ZFAT: variants seen among roughly 807,000 people sequenced by gnomAD.
ZFAT encodes the protein zinc finger protein ZFAT.
Under a neutral mutation model 117.7 loss-of-function variants are expected in ZFAT, and 64 were observed. That is an observed-to-expected ratio of 0.54 (90% CI 0.44 to 0.67). The LOEUF is 0.67. ZFAT is among the 30% of genes least tolerant of loss of function. The pLI is 0.00. For missense variants in ZFAT, 1,433 were observed against 1,584.5 expected, an observed-to-expected ratio of 0.90 and a Z score of 1.62; for synonymous variants, 679 against 615.0, an observed-to-expected ratio of 1.10 and a Z score of -1.54.
intron 2 of ZFAT, 39 bp downstream of exon 2, chr8:134,657,522 T>C (rs1410898221): frequency 6.5e-7 from 1 of 1,542,552 alleles, no homozygotes; most frequent in Non-Finnish European, 8.8e-7. Context: ...TCAACAGGTG[T>C]GTCAGAAGGT....
At chr8:134,730,313 A>C in the ZFAT span, among the ~76,000 whole-genome samples, 1 of 152,162 alleles carries the variant, frequency 6.6e-6, no homozygotes, top group Admixed American at 6.5e-5. Flanking sequence ...ATCTGCATCA[A>C]CCTCGACATC....
At chr8:134,794,444 A>C in the ZFAT span, 1 of 152,182 alleles carries the variant, frequency 6.6e-6, no homozygotes, top group African/African-American at 2.4e-5. Flanking sequence ...GCTCTATTCT[A>C]CCTATCTCGA....
At chr8:134,639,970 A>C (rs1167803638) in intron 2 of ZFAT, 1 of 353,756 alleles carries the variant, frequency 2.8e-6, no homozygotes, top group Non-Finnish European at 5.5e-6. Context: ...GCCCTTGGCT[A>C]CAGGGAGGTG....
chr8:134,645,131 G>A (rs565592992), intron 2 of ZFAT, among the ~76,000 whole-genome samples: 4 of 152,234 alleles, frequency 2.6e-5, no homozygotes, highest in Non-Finnish European at 4.4e-5. Flanking sequence ...TCCTACATGA[G>A]CAAAAAAGAT....
At chr8:134,611,621 G>A (rs1425401156) in intron 3 of ZFAT, among the ~76,000 whole-genome samples, 1 of 152,212 alleles carries the variant, frequency 6.6e-6, no homozygotes, top group Non-Finnish European at 1.5e-5. Context: ...TCCCACAGAG[G>A]ACCAGCCTGC....
chr8:134,668,875 T>G (rs1832400174), intron 1 of ZFAT, among the ~76,000 whole-genome samples: 2 of 152,306 alleles, frequency 1.3e-5, no homozygotes, highest in Middle Eastern at 6.8e-3. Context: ...GACGAATGCC[T>G]AACTAGAATA....
At chr8:134,483,064 T>C (rs551468684) in intron 15 of ZFAT, among the ~76,000 whole-genome samples, 1 of 152,376 alleles carries the variant, frequency 6.6e-6, no homozygotes, top group African/African-American at 2.4e-5. Flanking sequence ...TAGGGCTTTC[T>C]GCAGAGTGCA....
chr8:134,566,406 A>AAAAAAAAAAAAAAAAAT (rs1824470916), intron 10 of ZFAT, among the ~76,000 whole-genome samples: 1 of 151,748 alleles, frequency 6.6e-6, no homozygotes, highest in Non-Finnish European at 1.5e-5. Flanking sequence ...AAAAAAAAAA[A>AAAAAAAAAAAAAAAAAT]AAAAGATTAA....
chr8:134,750,560 T>A, the ZFAT span, among the ~76,000 whole-genome samples: 1 of 152,180 alleles, frequency 6.6e-6, no homozygotes, highest in South Asian at 2.1e-4. Context: ...ATGTTTTAAA[T>A]GGCAAATAAA....
At chr8:134,597,898 C>T (rs896245456) in intron 7 of ZFAT, 3 of 152,174 alleles carry the variant, frequency 2.0e-5, no homozygotes, top group African/African-American at 7.2e-5. Flanking sequence ...TGAGTCACAC[C>T]CCCTTATTCA....
At chr8:134,643,488 G>A (rs764795018) in intron 2 of ZFAT, among the ~76,000 whole-genome samples, 5 of 152,166 alleles carry the variant, frequency 3.3e-5, no homozygotes, top group African/African-American at 4.8e-5. Context: ...CAGTCACTAT[G>A]GACTAAGGCA....
intron 1 of ZFAT, among the ~76,000 whole-genome samples, chr8:134,680,588 A>G (rs1833028838): frequency 6.6e-6 from 1 of 152,226 alleles, no homozygotes; most frequent in Admixed American, 6.5e-5. Context: ...TCTTGACTGC[A>G]GGAGTAATGA....
At chr8:134,558,290 G>A (rs1823796918) in intron 11 of ZFAT, among the ~76,000 whole-genome samples, 1 of 152,186 alleles carries the variant, frequency 6.6e-6, no homozygotes, top group African/African-American at 2.4e-5. Context: ...TGGCTTGGCA[G>A]GGCTGATGGG....
At chr8:134,628,696 T>C (rs1438010108) in intron 3 of ZFAT, among the ~76,000 whole-genome samples, 1 of 152,220 alleles carries the variant, frequency 6.6e-6, no homozygotes, top group African/African-American at 2.4e-5. Flanking sequence ...TACAGCAGTC[T>C]ATGTATCTGA....
At chr8:134,778,307 TC>T in the ZFAT span, among the ~76,000 whole-genome samples, 1 of 152,198 alleles carries the variant, frequency 6.6e-6, no homozygotes, top group Non-Finnish European at 1.5e-5. Context: ...GCTGGACTGT[TC>T]CCTAGGGCTA....
the ZFAT span, chr8:134,794,808 T>C: frequency 3.9e-5 from 6 of 152,222 alleles, no homozygotes; most frequent in Non-Finnish European, 5.9e-5. Context: ...AAGATTTGAC[T>C]GGGATACACA....
At chr8:134,672,396 G>C (rs557642018) in intron 1 of ZFAT, among the ~76,000 whole-genome samples, 1 of 152,162 alleles carries the variant, frequency 6.6e-6, no homozygotes, top group Admixed American at 6.5e-5. Context: ...ATCACACACC[G>C]GGGCCTGTTG....
chr8:134,530,234 C>T (rs996217438), intron 12 of ZFAT, among the ~76,000 whole-genome samples: 1 of 152,110 alleles, frequency 6.6e-6, no homozygotes, highest in Non-Finnish European at 1.5e-5. Flanking sequence ...ACATCTTCCT[C>T]TATATCAAAA....
the ZFAT span, among the ~76,000 whole-genome samples, chr8:134,747,751 C>T: frequency 6.6e-6 from 1 of 152,148 alleles, no homozygotes; most frequent in Non-Finnish European, 1.5e-5. Context: ...TCGTTTCCTC[C>T]CTTTTTTTAC....
Sources: allele counts gnomAD v4.1 joint callset (sites outside exome capture counted in the v4.1 genomes callset), GRCh38; gene constraint gnomAD v4.1.1; transcripts MANE v1.5; gene names NCBI Gene and HGNC (gene_info 2026-07-23, HGNC 2026-07-21).